The following KIF18B variants were observed in gnomAD, a reference collection of about 807,000 sequenced individuals.
KIF18B encodes the protein kinesin family member 18B.
In KIF18B, 49 loss-of-function variants were observed where a neutral mutation model predicts 80.9. The observed-to-expected ratio is 0.61, with a 90% CI of 0.48 to 0.77. The LOEUF is 0.77. KIF18B is among the 30% of genes least tolerant of loss of function. The pLI, the probability that KIF18B is intolerant of heterozygous loss-of-function variation, is 0.00. For missense variants in KIF18B, 994 were observed against 1,127.7 expected (o/e 0.88, Z 1.70); for synonymous variants, 439 against 463.9 (o/e 0.95, Z 0.69).
Position 44,926,069 on chromosome 17 carries a change from C to T in KIF18B, c.*11G>A. On this transcript the variant is annotated 3_prime_UTR_variant, in exon 16 of 16. Coordinates refer to ENST00000593135, the MANE Select transcript of KIF18B (RefSeq NM_001265577.2). ...GGTTAGGACACCTTGGTGGTCAGGA[C>T]ATTCTGGCGGTCAGGACACCTTGGT... The T allele has an allele frequency of 6.2e-7, 1 of 1,613,806 alleles. No homozygotes were observed. Among genetic ancestry groups the T allele is most frequent in the Non-Finnish European group, 8.5e-7 (1 of 1,179,812 alleles).
chr17:44,937,988 A>G (rs2052341972), intron 1 of KIF18B, among the ~76,000 whole-genome samples: 1 of 123,274 alleles, frequency 8.1e-6, no homozygotes. Context: ...ACACACACAC[A>G]CACACACACA....
intron 1 of KIF18B, among the ~76,000 whole-genome samples, chr17:44,939,061 T>A (rs2052365017): frequency 7.2e-6 from 1 of 138,298 alleles, no homozygotes; most frequent in Non-Finnish European, 1.6e-5. Context: ...AAAAATTAAT[T>A]AATTAAAAAA....
At position 44,926,136 on chromosome 17, in the gene KIF18B, G is replaced by A. The variant is rs371626427; in HGVS notation, c.2503C>T (p.Leu835Phe). 2.9e-5 allele frequency: 46 copies of A among 1,613,808 alleles called. No homozygotes were observed. The East Asian group carries it at 3.8e-4, about 13-fold the overall frequency. Reference sequence around the variant, plus strand: ...GAGAGTGCTCTCCCCACCCTGATGAGGTCCTTTCCATTCCTCCGGTTGCTA... The same window carrying A: ...GAGAGTGCTCTCCCCACCCTGATGAAGTCCTTTCCATTCCTCCGGTTGCTA... ...CPSNRRNGKD[L>F]IRVGRALSAG... Residue 835 changes from leucine (L) to phenylalanine (F), a missense_variant, in exon 16 of 16, where the codon CTC becomes TTC. Leu to Phe is a conservative substitution (Grantham distance 22). Coordinates refer to ENST00000593135, the MANE Select transcript of KIF18B (RefSeq NM_001265577.2).
rs1567796758 is a variant in KIF18B, at chr17:44,937,219, A to AGAG, written c.-14-862_-14-861insCTC. On this transcript the variant is annotated intron_variant, in intron 1 of 15. Coordinates refer to ENST00000593135, the MANE Select transcript of KIF18B (RefSeq NM_001265577.2). ...ATTTTAAGAAAATTTTATCAATTCT[A>AGAG]CCCCCAACCTAGAGCCCTCTCCTCC... 9.4e-4 allele frequency among the ~76,000 whole-genome samples: 142 copies of AGAG among 151,598 alleles called. 3 individuals carry two copies. In the South Asian group the frequency reaches 0.029, roughly 31 times the overall value.
chr17:44,937,231 G>A (rs1376018330), intron 1 of KIF18B, among the ~76,000 whole-genome samples: 1 of 151,868 alleles, frequency 6.6e-6, no homozygotes, highest in Non-Finnish European at 1.5e-5. Flanking sequence ...CCCCAACCTA[G>A]AGCCCTCTCC....
Position 44,929,472 on chromosome 17 carries a change from C to T in KIF18B, c.1518-448G>A, listed in dbSNP as rs142387539. Among the ~76,000 whole-genome samples, 10 of 152,296 alleles carry T rather than the reference C, an allele frequency of 6.6e-5. No homozygotes were observed. In the South Asian group the frequency reaches 1.9e-3, roughly 28 times the overall value. On this transcript the variant is annotated intron_variant, in intron 11 of 15. Transcript: ENST00000593135. ...AGTCAGACTGCCAGTTTCCCACTCACATCCTGGCTCCAATACCTCCCAGCT... is the reference window on the plus strand; with the variant it reads ...AGTCAGACTGCCAGTTTCCCACTCATATCCTGGCTCCAATACCTCCCAGCT...
chr17:44,932,495 T>C, intron 9 of KIF18B, 178 bp downstream of exon 9: 3 of 601,002 alleles, frequency 5.0e-6, no homozygotes, highest in Non-Finnish European at 8.9e-6. Context: ...ATTTACTCAT[T>C]GGACACAGCA....
At chr17:44,944,952 C>G (rs141090200) in intron 1 of KIF18B, among the ~76,000 whole-genome samples, 503 of 152,220 alleles carry the variant, frequency 3.3e-3, no homozygotes, top group Non-Finnish European at 6.2e-3. Flanking sequence ...TTATTTATTT[C>G]TCCATCAATA....
chr17:44,928,374 G>A lies in KIF18B; in HGVS notation c.1928C>T (p.Pro643Leu), dbSNP rs776532109. Residue 643 changes from proline (P) to leucine (L), a missense_variant, in exon 13 of 16, where the codon CCA becomes CTA. By Grantham distance (98) the Pro-to-Leu change is moderately conservative. Transcript: ENST00000593135. ...GCGCTGGCGCTTGGTGCCCCGCTTTGGGGCCATGGGACTGTCTGCCTCCAA... is the reference window on the plus strand; with the variant it reads ...GCGCTGGCGCTTGGTGCCCCGCTTTAGGGCCATGGGACTGTCTGCCTCCAA... The part of the protein sequence containing the change: ...SALEADSPMA[P>L]KRGTKRQRQS... The A allele has an allele frequency of 1.3e-6, 2 of 1,585,380 alleles. No individual in the cohort carries two copies. The highest frequency in any genetic ancestry group is 2.3e-5 in the East Asian group (1 of 43,726).
At chr17:44,943,275 A>AT (rs1197387034) in intron 1 of KIF18B, among the ~76,000 whole-genome samples, 1 of 151,460 alleles carries the variant, frequency 6.6e-6, no homozygotes, top group African/African-American at 2.4e-5. Flanking sequence ...AATTTTTTGT[A>AT]TTTTTTAGTA....
At chr17:44,936,472 G>T in intron 1 of KIF18B, 114 bp from the exon 2 acceptor site, 1 of 790,018 alleles carries the variant, frequency 1.3e-6, no homozygotes, top group Non-Finnish European at 1.9e-6. Context: ...TCTGTTTTAT[G>T]CCTCAAGAGA....
At chr17:44,939,440 A>C (rs1329808937) in intron 1 of KIF18B, among the ~76,000 whole-genome samples, 3 of 148,672 alleles carry the variant, frequency 2.0e-5, no homozygotes, top group Admixed American at 6.8e-5. Flanking sequence ...CGTTATGTCC[A>C]TTCCTTTTCC....
At chr17:44,944,213 A>G (rs952878951) in intron 1 of KIF18B, among the ~76,000 whole-genome samples, 1 of 152,068 alleles carries the variant, frequency 6.6e-6, no homozygotes, top group African/African-American at 2.4e-5. Context: ...TTGCAACTAC[A>G]TTAACGAAAC....
Position 44,928,144 on chromosome 17 carries a change from G to C in KIF18B, c.2158C>G (p.Leu720Val). The change falls in exon 13 of 16, where the codon CTC (leucine) becomes GTC (valine). Residue 720 changes from leucine to valine, a missense_variant. Leu to Val is a conservative substitution (Grantham distance 32, BLOSUM62 1). Coordinates refer to ENST00000593135, the MANE Select transcript of KIF18B (RefSeq NM_001265577.2). Reference protein sequence around the residue: ...STPLALPTRDLNATFDLSEEP... With the variant: ...STPLALPTRDVNATFDLSEEP... ...TCAGAGAGATCAAAGGTGGCATTGA[G>C]GTCTCGAGTGGGCAGAGCCAGCGGG... 1 of 1,607,634 alleles carries C rather than the reference G, an allele frequency of 6.2e-7. No homozygotes were observed.
At position 44,928,088 on chromosome 17, in the gene KIF18B, T is replaced by C. The variant is rs568495575; in HGVS notation, c.2214A>G (p.Glu738=). 1.1e-5 allele frequency: 17 copies of C among 1,559,554 alleles called. No individual in the cohort carries two copies. In the South Asian group the frequency reaches 1.6e-4, roughly 15 times the overall value. The change falls in exon 13 of 16, where the codon GAA becomes GAG. Residue 738 remains glutamate, a synonymous_variant. Transcript: ENST00000593135. ...EEPPSKPSFH[E]CIGWDKIPQE... ...GGGGTATTTTGTCCCAGCCAATGCA[T>C]TCATGGAAACTGGGCTTTGAGGGAG... is the stretch of plus-strand genomic sequence containing the variant.
At chr17:44,928,632 A>C in intron 12 of KIF18B, 54 bp from the exon 13 acceptor site, 1 of 1,433,340 alleles carries the variant, frequency 7.0e-7, no homozygotes, top group African/African-American at 1.4e-5. Flanking sequence ...CACTGGAGAC[A>C]TGAAGGAGCC....
intron 1 of KIF18B, among the ~76,000 whole-genome samples, chr17:44,945,796 C>T (rs1943170745): frequency 6.6e-6 from 1 of 151,266 alleles, no homozygotes; most frequent in Non-Finnish European, 1.5e-5. Flanking sequence ...ATGCCAGCTA[C>T]TCCGGAGGCT....
chr17:44,930,553 G>A (rs2052123450), intron 11 of KIF18B, among the ~76,000 whole-genome samples: 1 of 152,202 alleles, frequency 6.6e-6, no homozygotes, highest in Admixed American at 6.5e-5. Context: ...TCAACGATCT[G>A]GCTGTTAGGA....
chr17:44,943,258 C>G (rs2052452051), intron 1 of KIF18B, among the ~76,000 whole-genome samples: 1 of 152,114 alleles, frequency 6.6e-6, no homozygotes, highest in South Asian at 2.1e-4. Context: ...CGCCACCACG[C>G]CCGACTAATT....
Sources: gnomAD v4.1 joint callset for allele counts (sites outside exome capture counted in the v4.1 genomes callset) on GRCh38, gnomAD v4.1.1 for gene constraint, MANE v1.5 for transcripts, NCBI Gene and HGNC (gene_info 2026-07-23, HGNC 2026-07-21) for gene names.